Variants in ZFHX3 observed in about 807,000 individuals in gnomAD.
The protein encoded by ZFHX3 is zinc finger homeobox protein 3.
A neutral mutation model predicts 279.1 loss-of-function variants in ZFHX3; 42 were observed. That is an observed-to-expected ratio of 0.15 (90% CI 0.12 to 0.19). The LOEUF is 0.19. Among genes scored for constraint, ZFHX3 ranks in the 10% least tolerant of loss-of-function variants. The probability of loss-of-function intolerance (pLI) is 1.00; values close to 1 mark genes in which losing one functional copy is unlikely to be tolerated. For missense variants in ZFHX3, 4,981 were observed against 4,754.0 expected (o/e 1.05, Z -1.40); for synonymous variants, 2,293 against 1,957.8 (o/e 1.17, Z -4.52).
chr16:73,637,882 G>A (rs988201157), intron 2 of ZFHX3, among the ~76,000 whole-genome samples: 3 of 152,106 alleles, frequency 2.0e-5, no homozygotes, highest in Non-Finnish European at 2.9e-5. Flanking sequence ...AGGCAATTTT[G>A]TAAAAAGAAT....
At chr16:73,776,336 C>T (rs902203389) in intron 1 of ZFHX3, among the ~76,000 whole-genome samples, 3 of 152,010 alleles carry the variant, frequency 2.0e-5, no homozygotes, top group Non-Finnish European at 2.9e-5. Context: ...TCTCCATTTC[C>T]GTAATTAATT....
At chr16:73,448,333 T>C (rs1024717515) in intron 3 of ZFHX3, among the ~76,000 whole-genome samples, 8 of 152,182 alleles carry the variant, frequency 5.3e-5, no homozygotes, top group African/African-American at 1.9e-4. Context: ...TAGTTAAATA[T>C]GGCACACATT....
upstream of ZFHX3, among the ~76,000 whole-genome samples, chr16:73,048,783 A>G (rs1965393677): frequency 6.6e-6 from 1 of 152,224 alleles, no homozygotes; most frequent in Non-Finnish European, 1.5e-5. Flanking sequence ...CAGTTGCAGA[A>G]ACTTATAAAA....
At position 73,682,875 on chromosome 16, in the gene ZFHX3, AAAG is replaced by A. The variant is rs1232536322; in HGVS notation, c.-1607-2638_-1607-2636del. Among the ~76,000 whole-genome samples the A allele has an allele frequency of 8.8e-4, 25 of 28,252 alleles. 1 individual carries two copies. The highest frequency in any genetic ancestry group is 7.8e-3 in the South Asian group (5 of 638). The allele number at this position is 28,252 out of a possible 152,430, so 18.5% of individuals were successfully genotyped here. A position where few individuals can be genotyped will look rare whatever the true frequency, so the allele number is the denominator to read the frequency against. ...AAGAGAAAGAAAGAAAGAAAGAAAGAAAGAAAGAAAGAAAGAAAGAAAGAAAGA... is the reference window on the plus strand; with the variant it reads ...AAGAGAAAGAAAGAAAGAAAGAAAGAAAAGAAAGAAAGAAAGAAAGAAAGA... On this transcript the variant is annotated intron_variant, in intron 1 of 17. Transcript: ENST00000641206.
intron 5 of ZFHX3, among the ~76,000 whole-genome samples, chr16:73,168,270 T>TCTTC (rs1967439285): frequency 6.6e-6 from 1 of 150,702 alleles, no homozygotes; most frequent in Admixed American, 6.6e-5. Context: ...TTTCTTTCTT[T>TCTTC]CTTTCTTTCG....
At chr16:73,695,286 A>G (rs1337061557) in intron 1 of ZFHX3, among the ~76,000 whole-genome samples, 3 of 143,062 alleles carry the variant, frequency 2.1e-5, no homozygotes, top group Non-Finnish European at 3.0e-5. Flanking sequence ...GCCAGGCTGG[A>G]GTGCAGTGGC....
At chr16:72,833,640 G>A (rs1468151595) in intron 4 of ZFHX3, among the ~76,000 whole-genome samples, 1 of 152,206 alleles carries the variant, frequency 6.6e-6, no homozygotes, top group African/African-American at 2.4e-5. Context: ...CACCAGGAAT[G>A]CTTTCCCAAG....
chr16:73,587,267 A>G (rs1249060709), intron 2 of ZFHX3, among the ~76,000 whole-genome samples: 2 of 152,206 alleles, frequency 1.3e-5, no homozygotes, highest in East Asian at 3.8e-4. Context: ...AATTTAGGCA[A>G]GTAAATATAC....
chr16:72,867,455 G>A lies in ZFHX3; in HGVS notation c.3448+22276C>T, dbSNP rs72793300. 2.0e-3 allele frequency among the ~76,000 whole-genome samples: 304 copies of A among 152,236 alleles called. 1 individual carries two copies. The highest frequency in any genetic ancestry group is 3.7e-3 in the Non-Finnish European group (252 of 68,018). ...TGGAAGATTGCAAGACACATGGAAC[G>A]CCTTTCAGAAGACAAAACATACCAA... On this transcript the variant is annotated intron_variant, in intron 4 of 9. Coordinates refer to ENST00000268489, the MANE Select transcript of ZFHX3 (RefSeq NM_006885.4).
At chr16:73,156,589 T>C (rs1179797362) in intron 5 of ZFHX3, among the ~76,000 whole-genome samples, 1 of 152,204 alleles carries the variant, frequency 6.6e-6, no homozygotes, top group African/African-American at 2.4e-5. Context: ...AGGGTCTCAC[T>C]CTGTCACACA....
chr16:72,953,387 A>G (rs973765014), intron 2 of ZFHX3, among the ~76,000 whole-genome samples: 12 of 152,204 alleles, frequency 7.9e-5, no homozygotes, highest in Admixed American at 5.9e-4. Context: ...CAGTCAAAGC[A>G]GAAACTGCCC....
At chr16:72,901,475 C>G (rs1392313062) in intron 3 of ZFHX3, among the ~76,000 whole-genome samples, 1 of 152,188 alleles carries the variant, frequency 6.6e-6, no homozygotes, top group Admixed American at 6.5e-5. Context: ...GCAGCACCCA[C>G]AAGGCTGCCT....
chr16:73,711,126 T>C (rs2053358654), intron 1 of ZFHX3, among the ~76,000 whole-genome samples: 1 of 152,198 alleles, frequency 6.6e-6, no homozygotes, highest in South Asian at 2.1e-4. Context: ...GGGGTTGTTT[T>C]ATTTAACTGA....
At chr16:73,487,139 T>C (rs1164918216) in intron 2 of ZFHX3, among the ~76,000 whole-genome samples, 1 of 152,170 alleles carries the variant, frequency 6.6e-6, no homozygotes, top group Non-Finnish European at 1.5e-5. Flanking sequence ...GTTTTTGACC[T>C]GGAGGAAATG....
intron 2 of ZFHX3, among the ~76,000 whole-genome samples, chr16:73,651,747 C>T (rs577149873): frequency 3.8e-4 from 53 of 138,842 alleles, no homozygotes; most frequent in African/African-American, 1.4e-3. Flanking sequence ...CCCAGCTACT[C>T]GGGAGGCTGA....
intron 1 of ZFHX3, among the ~76,000 whole-genome samples, chr16:73,058,079 C>T (rs990643049): frequency 2.7e-5 from 4 of 145,942 alleles, no homozygotes; most frequent in African/African-American, 7.4e-5. Context: ...GCTGGTACCC[C>T]GGCCGCCCTC....
rs946250996 is a variant in ZFHX3 at position 73,394,714 on chromosome 16, C to G, written c.-1291+61289G>C. Among the ~76,000 whole-genome samples the G allele has an allele frequency of 9.9e-5, 15 of 152,060 alleles. No homozygotes were observed. The East Asian group carries it at 2.9e-3, about 29-fold the overall frequency. ...AAAAACTGGTATGGTAAATAACTTC[C>G]TAGATTTTATATTAATTGAGGCTTT... On this transcript the variant is annotated intron_variant, in intron 3 of 17. Transcript: ENST00000641206.
At chr16:73,430,698 A>G (rs1195583445) in intron 3 of ZFHX3, among the ~76,000 whole-genome samples, 1 of 152,228 alleles carries the variant, frequency 6.6e-6, no homozygotes, top group Non-Finnish European at 1.5e-5. Context: ...ATGGGGCAAC[A>G]GTGCCTTTGC....
At chr16:73,655,600 C>A (rs924146673) in intron 2 of ZFHX3, among the ~76,000 whole-genome samples, 1 of 151,974 alleles carries the variant, frequency 6.6e-6, no homozygotes, top group Non-Finnish European at 1.5e-5. Flanking sequence ...AAAATACAAA[C>A]AATCTCATTA....
Sources: allele counts gnomAD v4.1 joint callset (sites outside exome capture counted in the v4.1 genomes callset), GRCh38; gene constraint gnomAD v4.1.1; transcripts MANE v1.5; gene names NCBI Gene and HGNC (gene_info 2026-07-23, HGNC 2026-07-21).